Variants in CBL observed in about 807,000 individuals in gnomAD.
CBL encodes Cbl proto-oncogene.
A neutral mutation model predicts 96.9 loss-of-function variants in CBL; 45 were observed. The ratio of observed to expected loss-of-function variants is 0.46; its 90% confidence interval spans 0.37 to 0.60. The LOEUF (loss-of-function observed/expected upper bound fraction) is 0.60. Ranked by LOEUF, CBL falls within the 20% of genes least tolerant of loss-of-function variation. The pLI is 0.00. For synonymous variants in CBL, 420 were observed against 426.8 expected, an observed-to-expected ratio of 0.98 and a Z score of 0.20; for missense variants, 1,024 against 1,143.5, an observed-to-expected ratio of 0.90 and a Z score of 1.51.
chr11:119,232,092 T>A (rs1256468743), intron 1 of CBL, among the ~76,000 whole-genome samples: 1 of 152,188 alleles, frequency 6.6e-6, no homozygotes, highest in African/African-American at 2.4e-5. Flanking sequence ...CCCTAAAAAA[T>A]AAATAAATAA....
intron 1 of CBL, among the ~76,000 whole-genome samples, chr11:119,221,182 G>A (rs931824341): frequency 2.0e-5 from 3 of 151,776 alleles, no homozygotes; most frequent in Admixed American, 6.6e-5. Context: ...GGTGGAGGCT[G>A]CAGTGAGCTG....
chr11:119,248,939 C>T (rs1358467473), intron 2 of CBL, among the ~76,000 whole-genome samples: 2 of 152,190 alleles, frequency 1.3e-5, no homozygotes, highest in Non-Finnish European at 2.9e-5. Context: ...GATACCACTT[C>T]ACAGCTGTTA....
chr11:119,239,667 G>T (rs1949570563), intron 2 of CBL, among the ~76,000 whole-genome samples: 1 of 152,182 alleles, frequency 6.6e-6, no homozygotes, highest in Non-Finnish European at 1.5e-5. Context: ...TGGTATTGAG[G>T]AGGAAAATGT....
chr11:119,274,076 G>T, intron 4 of CBL, 52 bp downstream of exon 4: 578 of 1,034,394 alleles, frequency 5.6e-4, no homozygotes, highest in Middle Eastern at 7.4e-4. Flanking sequence ...TCGGTGAAGA[G>T]AAAGCTTTTT....
At chr11:119,216,077 A>G (rs1410866461) in intron 1 of CBL, among the ~76,000 whole-genome samples, 4 of 152,166 alleles carry the variant, frequency 2.6e-5, no homozygotes, top group South Asian at 2.1e-4. Context: ...TGATGCCACT[A>G]TCATAGATGG....
At chr11:119,276,318 A>G (rs1194332637) in intron 6 of CBL, among the ~76,000 whole-genome samples, 184 bp downstream of exon 6, 3 of 152,214 alleles carry the variant, frequency 2.0e-5, no homozygotes, top group Non-Finnish European at 1.5e-5. Flanking sequence ...TAGGGATTCC[A>G]TGAGTGAAAT....
intron 4 of CBL, among the ~76,000 whole-genome samples, chr11:119,274,622 A>G (rs1368419525): frequency 2.6e-5 from 4 of 152,280 alleles, no homozygotes; most frequent in African/African-American, 7.2e-5. Context: ...TTTTGTGTCA[A>G]GTTTCTCCCT....
At chr11:119,263,671 T>C (rs1036767257) in intron 2 of CBL, among the ~76,000 whole-genome samples, 2 of 152,214 alleles carry the variant, frequency 1.3e-5, no homozygotes, top group African/African-American at 4.8e-5. Context: ...TGTTTTGTTT[T>C]GTTTTTTAAC....
At chr11:119,282,792 A>T (rs894311269) in intron 9 of CBL, among the ~76,000 whole-genome samples, 1 of 152,136 alleles carries the variant, frequency 6.6e-6, no homozygotes, top group African/African-American at 2.4e-5. Context: ...GGTTGTTTTA[A>T]TAAATCACGG....
At chr11:119,218,538 G>A (rs990898541) in intron 1 of CBL, among the ~76,000 whole-genome samples, 1 of 152,186 alleles carries the variant, frequency 6.6e-6, no homozygotes, top group African/African-American at 2.4e-5. Flanking sequence ...TAAATTGTAT[G>A]CTGTTCTGAG....
In CBL at chr11:119,308,045, A is replaced by T. The variant is rs748374611; in HGVS notation, c.*8264A>T. On this transcript the variant is annotated 3_prime_UTR_variant, in exon 16 of 16. Coordinates refer to ENST00000264033, the MANE Select transcript of CBL (RefSeq NM_005188.4). The stretch of plus-strand genomic sequence containing the variant: ...GTCTGTTTTACTAATGTTATTTATT[A>T]ATTTTTTTTCATTTCCATACACAGT... 17 of 182,268 alleles carry T rather than the reference A, an allele frequency of 9.3e-5. No homozygotes were observed. The highest frequency in any genetic ancestry group is 1.9e-4 in the Admixed American group (3 of 15,994). 11.3% of individuals were successfully genotyped at this position (182,268 alleles called of 1,614,324 possible). A position where few individuals can be genotyped will look rare whatever the true frequency, so the allele number is the denominator to read the frequency against.
At chr11:119,258,624 A>G (rs547843847) in intron 2 of CBL, among the ~76,000 whole-genome samples, 33 of 152,196 alleles carry the variant, frequency 2.2e-4, no homozygotes, top group African/African-American at 8.0e-4. Flanking sequence ...CAAACCATTC[A>G]ATTGATCTAT....
chr11:119,273,309 T>C (rs777417938), intron 3 of CBL, among the ~76,000 whole-genome samples: 9 of 152,228 alleles, frequency 5.9e-5, no homozygotes, highest in Non-Finnish European at 1.0e-4. Flanking sequence ...GGCTCACTCC[T>C]GTAGTCCCAG....
rs1281464618 is a variant in CBL, at chr11:119,285,225, C to A, written c.1600C>A (p.Pro534Thr). ...CTCCCTTCATAAAGACAAACCATTG[C>A]CAGTACCTCCCACACTTCGAGATCT... ...SGSLHKDKPL[P>T]VPPTLRDLPP... The change falls in exon 11 of 16, where the codon CCA (proline) becomes ACA (threonine). Residue 534 changes from proline (P) to threonine (T), a missense_variant. Around this residue, in one of 4 missense-constraint regions of CBL, gnomAD observed 695 missense variants for 661.6 expected, o/e 1.05. Coordinates refer to ENST00000264033, the MANE Select transcript of CBL (RefSeq NM_005188.4). 6.2e-7 allele frequency: 1 copy of A among 1,614,168 alleles called. No homozygotes were observed. The highest frequency in any genetic ancestry group is 8.5e-7 in the Non-Finnish European group (1 of 1,180,032).
At chr11:119,282,496 T>C (rs532946491) in intron 9 of CBL, among the ~76,000 whole-genome samples, 1 of 152,300 alleles carries the variant, frequency 6.6e-6, no homozygotes, top group South Asian at 2.1e-4. Context: ...TAAAGAATGA[T>C]ACGGAAGTCG....
At position 119,300,998 on chromosome 11, in the gene CBL, G is replaced by GT. The variant is rs1490025646; in HGVS notation, c.*1223dup. 4.3e-5 allele frequency: 10 copies of GT among 234,490 alleles called. No homozygotes were observed. The highest frequency in any genetic ancestry group is 8.4e-5 in the Non-Finnish European group (10 of 118,892). The allele number at this position is 234,490 out of a possible 1,614,324, so 14.5% of individuals were successfully genotyped here. Reference sequence around the variant, plus strand: ...ATATTAGGTTATATTTTCAGCAGTGGTTTTTTCCTTTGCCCTTTAAGGAGT... The same window carrying GT: ...ATATTAGGTTATATTTTCAGCAGTGGTTTTTTTCCTTTGCCCTTTAAGGAGT... On this transcript the variant is annotated 3_prime_UTR_variant, in exon 16 of 16. Coordinates refer to ENST00000264033, the MANE Select transcript of CBL (RefSeq NM_005188.4).
chr11:119,264,443 T>TTCTCTTCTCTTCTCTTCTCTTCTC (rs1949783515), intron 2 of CBL, among the ~76,000 whole-genome samples: 4 of 25,114 alleles, frequency 1.6e-4, no homozygotes, highest in Non-Finnish European at 2.2e-4. Flanking sequence ...CTTCTCTTCT[T>TTCTCTTCTCTTCTCTTCTCTTCTC]TCTCTTCTCT....
At position 119,307,503 on chromosome 11, in the gene CBL, G is replaced by A. The variant is rs1950154281; in HGVS notation, c.*7722G>A. On this transcript the variant is annotated 3_prime_UTR_variant, in exon 16 of 16. Transcript: ENST00000264033. ...GGCTTCAGACTTAAAGCATTAAGCA[G>A]CTAGTGCCCTCTGCAGGGCCTGGTT... is the stretch of plus-strand genomic sequence containing the variant. 2 of 231,702 alleles carry A rather than the reference G, an allele frequency of 8.6e-6. No homozygotes were observed. The highest frequency in any genetic ancestry group is 4.4e-5 in the African/African-American group (2 of 45,318). The allele number at this position is 231,702 out of a possible 1,614,324, so 14.4% of individuals were successfully genotyped here.
chr11:119,212,972 C>CCA (rs1555225493), intron 1 of CBL, among the ~76,000 whole-genome samples: 2 of 109,056 alleles, frequency 1.8e-5, no homozygotes, highest in Non-Finnish European at 4.4e-5. Flanking sequence ...AACTCCGTCT[C>CCA]AAAAAAAAAG....
Sources: gnomAD v4.1 joint callset for allele counts (sites outside exome capture counted in the v4.1 genomes callset) on GRCh38, gnomAD v4.1.1 for gene constraint, gnomAD v4.1.1 regional missense constraint, MANE v1.5 for transcripts, NCBI Gene and HGNC (gene_info 2026-07-23, HGNC 2026-07-21) for gene names.